Variants in G3BP2 observed in about 807,000 individuals in gnomAD.
The protein encoded by G3BP2 is ras GTPase-activating protein-binding protein 2.
Under a neutral mutation model 56.7 loss-of-function variants are expected in G3BP2, and 11 were observed. The ratio of observed to expected loss-of-function variants is 0.19; its 90% CI spans 0.12 to 0.32. The LOEUF is 0.32. Among genes scored for constraint, G3BP2 ranks in the 10% least tolerant of loss-of-function variants. G3BP2 has a pLI of 1.00. For missense variants in G3BP2, 340 were observed against 610.9 expected, an observed-to-expected ratio of 0.56 and a Z score of 4.67; for synonymous variants, 165 against 191.6, an observed-to-expected ratio of 0.86 and a Z score of 1.15.
chr4:75,699,549 T>C lies in G3BP2; in HGVS notation c.-25+21328A>G, dbSNP rs951472025. Among the ~76,000 whole-genome samples, 9 of 152,348 alleles carry C rather than the reference T, an allele frequency of 5.9e-5. No homozygotes were observed. In the Middle Eastern group the frequency reaches 0.01, roughly 173 times the overall value. ...CTCAAACTTTAGTTTCTTACTCACATGTAAACTGTACTGCCTAGCCAGACT... is the reference window on the plus strand; with the variant it reads ...CTCAAACTTTAGTTTCTTACTCACACGTAAACTGTACTGCCTAGCCAGACT... On this transcript the variant is annotated intron_variant, in intron 3 of 3. Coordinates refer to the G3BP2 transcript ENST00000499709.
In G3BP2 at chr4:75,648,599, C is replaced by T. The variant is rs373490063; in HGVS notation, c.928+40G>A. ...TTAAGTTCAGTCTTTTACAGCCTTA[C>T]AAATGTTAAATGCTAAAGGCTATAA... On this transcript the variant is annotated intron_variant, in intron 9 of 11. Coordinates refer to ENST00000359707, the MANE Select transcript of G3BP2 (RefSeq NM_203505.3). 15 of 1,042,692 alleles carry T rather than the reference C, an allele frequency of 1.4e-5. No individual in the cohort carries two copies. The African/African-American group carries it at 2.0e-4, about 14-fold the overall frequency. The allele number at this position is 1,042,692 out of a possible 1,614,324, so 64.6% of individuals were successfully genotyped here.
intron 11 of G3BP2, among the ~76,000 whole-genome samples, 188 bp downstream of exon 11, chr4:75,646,150 T>C (rs1013861177): frequency 6.6e-6 from 1 of 152,164 alleles, no homozygotes; most frequent in Non-Finnish European, 1.5e-5. Context: ...CCCACCTTCT[T>C]CAGCAAAGCA....
intron 3 of G3BP2, among the ~76,000 whole-genome samples, chr4:75,693,551 G>A (rs1028521619): frequency 5.9e-5 from 9 of 152,000 alleles, no homozygotes; most frequent in Admixed American, 2.0e-4. Context: ...AGCACTTTGG[G>A]AGGCCAAAGC....
At chr4:75,661,038 T>C (rs1466452896) in intron 2 of G3BP2, among the ~76,000 whole-genome samples, 3 of 152,200 alleles carry the variant, frequency 2.0e-5, no homozygotes, top group Non-Finnish European at 4.4e-5. Flanking sequence ...ATTTAACTGA[T>C]TCATCCCCCA....
At chr4:75,700,201 G>A (rs996848448) in intron 3 of G3BP2, among the ~76,000 whole-genome samples, 17 of 151,502 alleles carry the variant, frequency 1.1e-4, no homozygotes, top group African/African-American at 4.1e-4. Context: ...TTACAGGCAC[G>A]TGCCACCACA....
chr4:75,714,401 CAGA>C (rs1719859101), intron 3 of G3BP2, among the ~76,000 whole-genome samples: 1 of 152,160 alleles, frequency 6.6e-6, no homozygotes, highest in East Asian at 1.9e-4. Context: ...CCGGGGCGGG[CAGA>C]TCACGTGAGG....
intron 4 of G3BP2, 107 bp downstream of exon 4, chr4:75,657,450 C>T: frequency 1.3e-6 from 1 of 794,358 alleles, no homozygotes; most frequent in Non-Finnish European, 2.0e-6. Flanking sequence ...AACACAAATT[C>T]CCCAAAAATA....
chr4:75,679,855 G>A (rs551582344), intron 3 of G3BP2, among the ~76,000 whole-genome samples: 58 of 152,166 alleles, frequency 3.8e-4, no homozygotes, highest in Non-Finnish European at 7.6e-4. Flanking sequence ...TAAATGAGGT[G>A]CTTTTCAGAG....
intron 1 of G3BP2, among the ~76,000 whole-genome samples, chr4:75,664,122 T>C (rs977540795): frequency 6.6e-6 from 1 of 151,618 alleles, no homozygotes; most frequent in African/African-American, 2.4e-5. Flanking sequence ...GACCTCGTGA[T>C]CCACCTGCCT....
intron 3 of G3BP2, among the ~76,000 whole-genome samples, chr4:75,701,826 C>A (rs1719356796): frequency 6.6e-6 from 1 of 152,202 alleles, no homozygotes. Context: ...ATTCTACCCA[C>A]TGGAATACTC....
intron 1 of G3BP2, among the ~76,000 whole-genome samples, chr4:75,670,843 G>A (rs562385014): frequency 3.2e-4 from 48 of 151,924 alleles, no homozygotes; most frequent in Non-Finnish European, 5.9e-4. Context: ...AGGAACAACC[G>A]CTTTGGAAGA....
At chr4:75,689,977 G>C (rs1178503556) in intron 3 of G3BP2, among the ~76,000 whole-genome samples, 1 of 152,198 alleles carries the variant, frequency 6.6e-6, no homozygotes, top group Non-Finnish European at 1.5e-5. Flanking sequence ...ATCCTGATCT[G>C]TGTGCTGGTT....
At chr4:75,652,349 G>T (rs972484722) in intron 8 of G3BP2, among the ~76,000 whole-genome samples, 23 of 152,312 alleles carry the variant, frequency 1.5e-4, no homozygotes, top group Admixed American at 1.4e-3. Context: ...GAGGCTGGGC[G>T]CAGTGGCTCA....
chr4:75,721,447 A>G (rs1257925969), intron 2 of G3BP2, among the ~76,000 whole-genome samples: 2 of 150,982 alleles, frequency 1.3e-5, no homozygotes, highest in Non-Finnish European at 3.0e-5. Context: ...TTGTAGAGAC[A>G]GGGTTTTGCC....
At chr4:75,711,294 G>A (rs559833398) in intron 3 of G3BP2, among the ~76,000 whole-genome samples, 51 of 151,700 alleles carry the variant, frequency 3.4e-4, no homozygotes, top group African/African-American at 1.1e-3. Context: ...ACTCCAGCCT[G>A]GGCGGTTGAG....
At chr4:75,676,909 A>G (rs1283790353), upstream of G3BP2, among the ~76,000 whole-genome samples, 1 of 151,838 alleles carries the variant, frequency 6.6e-6, no homozygotes, top group East Asian at 1.9e-4. Flanking sequence ...TTTTCTTACC[A>G]CTGGTTTTCT....
At chr4:75,662,269 C>A in intron 1 of G3BP2, 1 of 322,926 alleles carries the variant, frequency 3.1e-6, no homozygotes. Flanking sequence ...CTTGCCCAGG[C>A]TGGAGTGCAA....
intron 1 of G3BP2, chr4:75,672,810 C>CA (rs1491106837): frequency 3.1e-5 from 5 of 161,262 alleles, no homozygotes; most frequent in African/African-American, 1.2e-4. Flanking sequence ...GTGGGCTACC[C>CA]ACCCTAAAAC....
intron 2 of G3BP2, among the ~76,000 whole-genome samples, chr4:75,660,052 G>A (rs936328419): frequency 6.6e-6 from 1 of 152,166 alleles, no homozygotes; most frequent in Non-Finnish European, 1.5e-5. Context: ...CTTACCACAA[G>A]TGGAAAATTA....
Sources: allele counts gnomAD v4.1 joint callset (sites outside exome capture counted in the v4.1 genomes callset), GRCh38; gene constraint gnomAD v4.1.1; transcripts MANE v1.5; gene names NCBI Gene and HGNC (gene_info 2026-07-23, HGNC 2026-07-21).